The following ERO1A variants were observed in gnomAD, a reference collection of about 807,000 sequenced individuals.
The protein encoded by ERO1A is ERO1-like protein alpha.
ERO1A carries 49 observed loss-of-function variants against 76.9 expected under a neutral mutation model. The ratio of observed to expected loss-of-function variants is 0.64; its 90% CI spans 0.51 to 0.81. The LOEUF is 0.81. Ranked by LOEUF, ERO1A falls within the 30% of genes least tolerant of loss-of-function variation. The pLI is 0.00. For synonymous variants in ERO1A, 174 were observed against 181.2 expected, an observed-to-expected ratio of 0.96 and a Z score of 0.32; for missense variants, 448 against 542.1, an observed-to-expected ratio of 0.83 and a Z score of 1.72.
intron 11 of ERO1A, among the ~76,000 whole-genome samples, chr14:52,656,008 G>C (rs987821552): frequency 3.3e-5 from 5 of 152,150 alleles, no homozygotes; most frequent in African/African-American, 1.2e-4. Context: ...AAGAGCAAGT[G>C]ACATTGTCAG....
At chr14:52,667,648 G>C (rs1215224581) in intron 6 of ERO1A, among the ~76,000 whole-genome samples, 1 of 152,138 alleles carries the variant, frequency 6.6e-6, no homozygotes, top group East Asian at 1.9e-4. Context: ...CTTGAGCCCA[G>C]GAGGTCCAGG....
In ERO1A at chr14:52,671,911, C is replaced by T. The variant is rs200984259; in HGVS notation, c.358-40G>A. On this transcript the variant is annotated intron_variant, in intron 4 of 15. Coordinates refer to ENST00000395686, the MANE Select transcript of ERO1A (RefSeq NM_014584.3). ...GGAATAAATAGATAATAACTTATTGCATTTTTAAAACTTGTTTAAAATTTA... is the reference window on the plus strand; with the variant it reads ...GGAATAAATAGATAATAACTTATTGTATTTTTAAAACTTGTTTAAAATTTA... The T allele has an allele frequency of 5.1e-5, 66 of 1,306,778 alleles. No individual in the cohort carries two copies. The African/African-American group carries it at 8.4e-4, about 17-fold the overall frequency. The allele number at this position is 1,306,778 out of a possible 1,614,324, so 80.9% of individuals were successfully genotyped here.
chr14:52,671,269 C>T (rs2040587731), intron 6 of ERO1A, among the ~76,000 whole-genome samples: 1 of 152,158 alleles, frequency 6.6e-6, no homozygotes, highest in Admixed American at 6.5e-5. Context: ...GGGTTGTTAC[C>T]ACCTTTTGGC....
chr14:52,672,034 G>A (rs2139716572), intron 4 of ERO1A, 163 bp from the exon 5 acceptor site: 1 of 559,364 alleles, frequency 1.8e-6, no homozygotes, highest in Middle Eastern at 4.9e-4. Context: ...GCCAGGTACG[G>A]TGGCTCACGC....
rs1262901070 is a variant in ERO1A, at chr14:52,690,307, G to C, written c.114+5061C>G. Reference sequence around the variant, plus strand: ...AACTAAAATGTTTCTATGTAACAAAGAAACAAGCAACAAAATGAAAAGGCA... The same window carrying C: ...AACTAAAATGTTTCTATGTAACAAACAAACAAGCAACAAAATGAAAAGGCA... On this transcript the variant is annotated intron_variant, in intron 1 of 15. Transcript: ENST00000395686. Among the ~76,000 whole-genome samples the C allele has an allele frequency of 2.0e-5, 3 of 152,112 alleles. No homozygotes were observed. The East Asian group carries it at 5.8e-4, about 30-fold the overall frequency.
At chr14:52,682,444 C>A in intron 2 of ERO1A, 36 bp from the exon 3 acceptor site, 1 of 1,452,072 alleles carries the variant, frequency 6.9e-7, no homozygotes. Context: ...TTATAAAAAT[C>A]AGAATCCCAA....
In ERO1A at chr14:52,682,945, C is replaced by T. The variant is rs1265980897; in HGVS notation, c.235-537G>A. Among the ~76,000 whole-genome samples, 4 of 148,292 alleles carry T rather than the reference C, an allele frequency of 2.7e-5. 1 individual carries two copies. The highest frequency in any genetic ancestry group is 2.5e-5 in the African/African-American group (1 of 40,000). On this transcript the variant is annotated intron_variant, in intron 2 of 15. Coordinates refer to ENST00000395686, the MANE Select transcript of ERO1A (RefSeq NM_014584.3). ...AGATTGGGCTGGGCAAGGTGGCTGG[C>T]GCCTGTAATCCCAATACTTTGGGAG...
At chr14:52,661,386 A>G in intron 8 of ERO1A, 82 bp from the exon 9 acceptor site, 2 of 1,157,372 alleles carry the variant, frequency 1.7e-6, no homozygotes, top group East Asian at 2.7e-5. Context: ...TAAAAATAAG[A>G]CTTTAATAAT....
Position 52,666,360 on chromosome 14 carries a change from G to T in ERO1A, c.629+15C>A. The T allele has an allele frequency of 6.4e-7, 1 of 1,564,440 alleles. No individual in the cohort carries two copies. Among genetic ancestry groups the T allele is most frequent in the Non-Finnish European group, 8.6e-7 (1 of 1,156,558 alleles). On this transcript the variant is annotated intron_variant, in intron 7 of 15. Coordinates refer to ENST00000395686, the MANE Select transcript of ERO1A (RefSeq NM_014584.3). ...ACATCTTATAGGAATTTTTCTAAATGAAAATGACACATACTTAAAACAGTT... is the reference window on the plus strand; with the variant it reads ...ACATCTTATAGGAATTTTTCTAAATTAAAATGACACATACTTAAAACAGTT...
At chr14:52,651,303 A>G (rs2039859320) in intron 13 of ERO1A, among the ~76,000 whole-genome samples, 1 of 152,148 alleles carries the variant, frequency 6.6e-6, no homozygotes, top group South Asian at 2.1e-4. Context: ...TAATAAAAAA[A>G]GATGAATGAC....
chr14:52,682,381 A>C lies in ERO1A; in HGVS notation c.262T>G (p.Trp88Gly). ...KVNLKRPCPF[W>G]NDISQCGRRD... ...CTTCCACACTGGCTGATGTCATTCC[A>C]GAAAGGACACGGCCTCTTCAGGTTT... is the stretch of plus-strand genomic sequence containing the variant. Residue 88 changes from tryptophan to glycine, a missense_variant, in exon 3 of 16, where the codon TGG (tryptophan) becomes GGG (glycine). Trp to Gly is a radical substitution (Grantham distance 184, BLOSUM62 -2). Around this residue, in one of 2 missense-constraint regions of ERO1A, gnomAD observed 146 missense variants for 130.2 expected, o/e 1.12. Coordinates refer to ENST00000395686, the MANE Select transcript of ERO1A (RefSeq NM_014584.3). 1 of 1,612,052 alleles carries C rather than the reference A, an allele frequency of 6.2e-7. No homozygotes were observed. Among genetic ancestry groups the C allele is most frequent in the Non-Finnish European group, 8.5e-7 (1 of 1,178,748 alleles).
At chr14:52,674,144 A>G (rs2040702009) in intron 4 of ERO1A, among the ~76,000 whole-genome samples, 1 of 152,226 alleles carries the variant, frequency 6.6e-6, no homozygotes. Flanking sequence ...ATAGTGACAA[A>G]TGTTTTCCTT....
At chr14:52,665,991 CAA>C (rs1363865775) in intron 7 of ERO1A, among the ~76,000 whole-genome samples, 1 of 152,198 alleles carries the variant, frequency 6.6e-6, no homozygotes, top group Non-Finnish European at 1.5e-5. Flanking sequence ...AAGCCACAGA[CAA>C]GGGTGTACAG....
chr14:52,661,704 T>G (rs1435765966), intron 8 of ERO1A, among the ~76,000 whole-genome samples: 1 of 152,190 alleles, frequency 6.6e-6, no homozygotes, highest in Non-Finnish European at 1.5e-5. Context: ...AATATTATTA[T>G]TATTGCTTTG....
chr14:52,661,703 A>G (rs1014998757), intron 8 of ERO1A, among the ~76,000 whole-genome samples: 5 of 152,150 alleles, frequency 3.3e-5, no homozygotes, highest in Non-Finnish European at 5.9e-5. Flanking sequence ...AAATATTATT[A>G]TTATTGCTTT....
intron 12 of ERO1A, 75 bp downstream of exon 12, chr14:52,652,994 C>CA (rs1205890505): frequency 0.083 from 65,791 of 791,222 alleles, 2 homozygotes; most frequent in Middle Eastern, 0.092. Flanking sequence ...GAGCCTGTCT[C>CA]AAAAAAAAAA....
At chr14:52,686,688 C>T (rs2041186756) in intron 1 of ERO1A, among the ~76,000 whole-genome samples, 1 of 152,080 alleles carries the variant, frequency 6.6e-6, no homozygotes, top group African/African-American at 2.4e-5. Flanking sequence ...CCATCCTAGC[C>T]AACATGGTGA....
chr14:52,662,467 C>G (rs1483517206), intron 8 of ERO1A, among the ~76,000 whole-genome samples: 2 of 152,262 alleles, frequency 1.3e-5, no homozygotes, highest in Non-Finnish European at 2.9e-5. Context: ...AGATCAGCAT[C>G]TTTTCAAATA....
rs556616721 is a variant in ERO1A at position 52,667,405 on chromosome 14, A to G, written c.509-910T>C. Among the ~76,000 whole-genome samples the G allele has an allele frequency of 2.4e-3, 371 of 152,272 alleles. 2 individuals are homozygous for G. The highest frequency in any genetic ancestry group is 3.7e-3 in the Non-Finnish European group (251 of 68,012). On this transcript the variant is annotated intron_variant, in intron 6 of 15. Transcript: ENST00000395686. ...ACTTATTTATCATTTATAATGTGTT[A>G]TAACTTCAAAACAAAAAAGATGGTC...
Sources: allele counts gnomAD v4.1 joint callset (sites outside exome capture counted in the v4.1 genomes callset), GRCh38; gene constraint gnomAD v4.1.1; regional missense constraint gnomAD v4.1.1; transcripts MANE v1.5; gene names NCBI Gene and HGNC (gene_info 2026-07-23, HGNC 2026-07-21).